LY75: variants seen among roughly 807,000 people sequenced by gnomAD.
The protein encoded by LY75 is C-type lectin domain family 13 member B.
Under a neutral mutation model 231.7 loss-of-function variants are expected in LY75, and 185 were observed. The ratio of observed to expected loss-of-function variants is 0.80; its 90% CI spans 0.71 to 0.90. LY75 has a LOEUF of 0.90. Among genes scored for constraint, LY75 ranks in the 40% least tolerant of loss-of-function variants. The pLI is 0.00. For missense variants in LY75, 1,947 were observed against 2,050.2 expected, an observed-to-expected ratio of 0.95 and a Z score of 0.97; for synonymous variants, 668 against 689.0, an observed-to-expected ratio of 0.97 and a Z score of 0.48.
chr2:159,822,870 AG>A (rs1683340911), intron 28 of LY75, among the ~76,000 whole-genome samples: 1 of 152,222 alleles, frequency 6.6e-6, no homozygotes, highest in East Asian at 1.9e-4. Flanking sequence ...GACCAGCAGC[AG>A]AGGGGCCTGT....
At chr2:159,810,799 A>T in intron 31 of LY75, 124 bp from the exon 32 acceptor site, 1 of 1,411,354 alleles carries the variant, frequency 7.1e-7, no homozygotes, top group Non-Finnish European at 9.5e-7. Context: ...AACTCATACC[A>T]GAGAAAGCCA....
In LY75 at chr2:159,856,670, GT is replaced by G. The variant is rs1479411204; in HGVS notation, c.2383+1691del. ...TGATTGGGACAGGCTGAGAACAGGA[GT>G]TTAGTTTTTTATTTTATTTCTGCAT... On this transcript the variant is annotated intron_variant, in intron 16 of 34. Transcript: ENST00000263636. Among the ~76,000 whole-genome samples the G allele has an allele frequency of 2.0e-5, 3 of 152,220 alleles. No individual in the cohort carries two copies. In the East Asian group the frequency reaches 5.8e-4, roughly 29 times the overall value.
intron 34 of LY75, 101 bp from the exon 35 acceptor site, chr2:159,805,323 T>C (rs1254345369): frequency 3.9e-6 from 3 of 777,538 alleles, no homozygotes; most frequent in South Asian, 3.4e-5. Flanking sequence ...ACCTGTAAGC[T>C]GTATACAGAC....
At chr2:159,847,595 A>G (rs1684241859) in intron 23 of LY75, among the ~76,000 whole-genome samples, 1 of 152,196 alleles carries the variant, frequency 6.6e-6, no homozygotes, top group African/African-American at 2.4e-5. Context: ...GGCAGGGGTA[A>G]CATCTTTATT....
intron 2 of LY75, among the ~76,000 whole-genome samples, chr2:159,895,998 A>C (rs550998483): frequency 6.1e-4 from 93 of 152,354 alleles, no homozygotes; most frequent in South Asian, 6.0e-3. Flanking sequence ...TTAAAACAAC[A>C]GCTTTATTAT....
At position 159,877,199 on chromosome 2, in the gene LY75, T is replaced by C. The variant is rs559275978; in HGVS notation, c.1774+1125A>G. 2.0e-5 allele frequency among the ~76,000 whole-genome samples: 3 copies of C among 152,290 alleles called. No individual in the cohort carries two copies. The East Asian group carries it at 5.8e-4, about 29-fold the overall frequency. On this transcript the variant is annotated intron_variant, in intron 11 of 34. Transcript: ENST00000263636. ...TCATGTTGATGGTGATGACCATGTG[T>C]CCTAACTTTTGTGGGCATTTTCTAT...
chr2:159,855,013 T>A, intron 16 of LY75, 74 bp from the exon 17 acceptor site: 1 of 1,585,454 alleles, frequency 6.3e-7, no homozygotes, highest in Non-Finnish European at 8.6e-7. Flanking sequence ...CGGCCTTTAA[T>A]GTAGCTCGAA....
At chr2:159,854,333 T>A in intron 18 of LY75, 27 bp downstream of exon 18, 1 of 1,280,200 alleles carries the variant, frequency 7.8e-7, no homozygotes, top group East Asian at 3.1e-5. Flanking sequence ...ATAAGAAATA[T>A]ATTTAAAATA....
chr2:159,904,401 G>C (rs1371548195), intron 1 of LY75, among the ~76,000 whole-genome samples, 188 bp downstream of exon 1: 1 of 152,228 alleles, frequency 6.6e-6, no homozygotes, highest in African/African-American at 2.4e-5. Flanking sequence ...GGCCCCCGAG[G>C]GCACTGGGGC....
intron 4 of LY75, among the ~76,000 whole-genome samples, chr2:159,886,846 A>C (rs1297190989): frequency 6.6e-6 from 1 of 152,132 alleles, no homozygotes; most frequent in Non-Finnish European, 1.5e-5. Context: ...TCTTTTATTA[A>C]TATAGAAGAC....
chr2:159,876,835 G>A (rs942793996), intron 11 of LY75, among the ~76,000 whole-genome samples: 4 of 151,414 alleles, frequency 2.6e-5, no homozygotes, highest in African/African-American at 7.3e-5. Context: ...GTGAAACTCC[G>A]TCTCTACTAA....
chr2:159,852,349 T>G lies in LY75; in HGVS notation c.2744-9A>C. ...TGTTGGTTTACCTAAGTCTGAGAAA[T>G]GAAAAGCCAGGATTACTATGGTGAG... On this transcript the variant is annotated splice_polypyrimidine_tract_variant and intron_variant, in intron 20 of 34. Transcript: ENST00000263636. 1 of 1,610,916 alleles carries G rather than the reference T, an allele frequency of 6.2e-7. No individual in the cohort carries two copies.
At chr2:159,838,173 C>A (rs1334424681) in intron 25 of LY75, among the ~76,000 whole-genome samples, 2 of 152,166 alleles carry the variant, frequency 1.3e-5, no homozygotes, top group Non-Finnish European at 2.9e-5. Flanking sequence ...TAAGTAAAGT[C>A]TTATATTGCC....
At chr2:159,852,124 G>C in intron 21 of LY75, 77 bp downstream of exon 21, 2 of 1,548,410 alleles carry the variant, frequency 1.3e-6, no homozygotes, top group Non-Finnish European at 1.7e-6. Flanking sequence ...GTCACTAATG[G>C]GTTGCCATTC....
chr2:159,885,355 A>G, intron 5 of LY75, 62 bp from the exon 6 acceptor site: 1 of 1,551,152 alleles, frequency 6.4e-7, no homozygotes, highest in East Asian at 2.3e-5. Context: ...ATGGTGTCAG[A>G]AAGAATAATT....
At chr2:159,872,206 T>C in intron 13 of LY75, 3 of 364,744 alleles carry the variant, frequency 8.2e-6, no homozygotes, top group Non-Finnish European at 1.5e-5. Context: ...TTTTCTGCCA[T>C]ACATTGCTGT....
Position 159,878,463 on chromosome 2 carries a change from C to T in LY75, c.1635G>A (p.Met545Ile). The T allele has an allele frequency of 6.2e-7, 1 of 1,613,990 alleles. No individual in the cohort carries two copies. The highest frequency in any genetic ancestry group is 8.5e-7 in the Non-Finnish European group (1 of 1,179,970). ...TTCTTAGAGATTTATCATACTTTTTCATCAAATCATTTAGGTATTCTTGCT... is the reference window on the plus strand; with the variant it reads ...TTCTTAGAGATTTATCATACTTTTTTATCAAATCATTTAGGTATTCTTGCT... ...RFEQEYLNDL[M>I]KKYDKSLRKY... The change falls in exon 11 of 35, where the codon ATG becomes ATA. Residue 545 changes from methionine (M) to isoleucine (I), a missense_variant. Met to Ile is a conservative substitution (Grantham distance 10). Transcript: ENST00000263636.
intron 8 of LY75, among the ~76,000 whole-genome samples, chr2:159,879,979 T>C (rs1390262294): frequency 6.6e-6 from 1 of 152,246 alleles, no homozygotes; most frequent in Non-Finnish European, 1.5e-5. Flanking sequence ...AACATTGGAA[T>C]GCTGTCTAGG....
chr2:159,855,366 G>A (rs1161045127), intron 16 of LY75, among the ~76,000 whole-genome samples: 1 of 152,148 alleles, frequency 6.6e-6, no homozygotes, highest in Non-Finnish European at 1.5e-5. Flanking sequence ...TAATGAAACA[G>A]GTTAACTGTT....
Sources: gnomAD v4.1 joint callset for allele counts (sites outside exome capture counted in the v4.1 genomes callset) on GRCh38, gnomAD v4.1.1 for gene constraint, MANE v1.5 for transcripts, NCBI Gene and HGNC (gene_info 2026-07-23, HGNC 2026-07-21) for gene names.